CNTN4: variants seen among roughly 807,000 people sequenced by gnomAD.
The protein encoded by CNTN4 is contactin-4.
CNTN4 carries 77 observed loss-of-function variants against 122.5 expected under a neutral mutation model. That is an observed-to-expected ratio of 0.63 (90% CI 0.52 to 0.76). CNTN4 has a LOEUF of 0.76. Ranked by LOEUF, CNTN4 falls within the 30% of genes least tolerant of loss-of-function variation. The pLI, the probability that CNTN4 is intolerant of heterozygous loss-of-function variation, is 0.00. For missense variants in CNTN4, 1,256 were observed against 1,259.1 expected (o/e 1.00, Z 0.04); for synonymous variants, 512 against 447.0 (o/e 1.15, Z -1.83).
At chr3:2,115,501 C>T (rs1456681361) in intron 2 of CNTN4, among the ~76,000 whole-genome samples, 3 of 152,226 alleles carry the variant, frequency 2.0e-5, no homozygotes, top group Non-Finnish European at 4.4e-5. Context: ...ATCCACAGCA[C>T]GAGACACACA....
At chr3:2,137,506 T>C (rs2034753337) in intron 2 of CNTN4, among the ~76,000 whole-genome samples, 1 of 152,052 alleles carries the variant, frequency 6.6e-6, no homozygotes, top group African/African-American at 2.4e-5. Context: ...GTGGGGGGAT[T>C]AGAAAGATGC....
At chr3:2,130,588 T>C (rs1405142303) in intron 2 of CNTN4, among the ~76,000 whole-genome samples, 1 of 152,202 alleles carries the variant, frequency 6.6e-6, no homozygotes, top group Non-Finnish European at 1.5e-5. Context: ...TTTGGCACAA[T>C]TTGCCTATAT....
At chr3:2,941,122 T>C (rs1424415418) in intron 13 of CNTN4, among the ~76,000 whole-genome samples, 2 of 152,158 alleles carry the variant, frequency 1.3e-5, no homozygotes, top group Non-Finnish European at 2.9e-5. Context: ...AATTTAAAAT[T>C]ACTATTATCC....
intron 14 of CNTN4, among the ~76,000 whole-genome samples, chr3:3,005,891 T>TTC (rs1196947090): frequency 1.3e-5 from 2 of 150,808 alleles, no homozygotes; most frequent in African/African-American, 4.9e-5. Context: ...TGTAGAATTT[T>TTC]TTTTTTTTTT....
At chr3:2,115,377 G>C (rs956485841) in intron 2 of CNTN4, among the ~76,000 whole-genome samples, 1 of 152,182 alleles carries the variant, frequency 6.6e-6, no homozygotes, top group Non-Finnish European at 1.5e-5. Flanking sequence ...ATATCCTTTT[G>C]ATAGTCTCCT....
chr3:2,258,225 C>A (rs1414489375), intron 2 of CNTN4, among the ~76,000 whole-genome samples: 1 of 152,122 alleles, frequency 6.6e-6, no homozygotes, highest in Non-Finnish European at 1.5e-5. Context: ...CCATTTAACC[C>A]AGCAATCCCA....
chr3:2,451,406 A>G (rs2048824346), intron 3 of CNTN4, among the ~76,000 whole-genome samples: 1 of 151,082 alleles, frequency 6.6e-6, no homozygotes, highest in Non-Finnish European at 1.5e-5. Context: ...TGAGAGGAAT[A>G]TGGTATTTTG....
chr3:2,310,316 C>T (rs2042868518), intron 2 of CNTN4, among the ~76,000 whole-genome samples: 1 of 152,076 alleles, frequency 6.6e-6, no homozygotes, highest in Non-Finnish European at 1.5e-5. Flanking sequence ...TTTAAAGTCC[C>T]CCAGGCTAAC....
At chr3:2,368,095 C>T (rs1011280268) in intron 3 of CNTN4, among the ~76,000 whole-genome samples, 24 of 143,424 alleles carry the variant, frequency 1.7e-4, no homozygotes, top group East Asian at 1.0e-3. Flanking sequence ...TGCAGTGGCG[C>T]GATCTCGGCT....
intron 2 of CNTN4, among the ~76,000 whole-genome samples, chr3:2,174,085 G>A (rs1352898728): frequency 1.3e-5 from 2 of 152,064 alleles, no homozygotes; most frequent in African/African-American, 4.8e-5. Context: ...AACTTGTTTG[G>A]TGAGTAGTTG....
intron 3 of CNTN4, among the ~76,000 whole-genome samples, chr3:2,538,735 C>T (rs956791675): frequency 6.6e-6 from 1 of 151,766 alleles, no homozygotes; most frequent in Non-Finnish European, 1.5e-5. Flanking sequence ...GAATGAATAA[C>T]AAAGAAATAA....
chr3:2,435,102 A>G (rs9878295), intron 3 of CNTN4, among the ~76,000 whole-genome samples: 3,658 of 152,296 alleles, frequency 0.024, 163 homozygotes, highest in African/African-American at 0.078. Flanking sequence ...GCTTAATACT[A>G]AAGTGAATAT....
chr3:2,418,022 G>T (rs1423920906), intron 3 of CNTN4, among the ~76,000 whole-genome samples: 3 of 152,068 alleles, frequency 2.0e-5, no homozygotes, highest in Non-Finnish European at 4.4e-5. Context: ...GATTTTTACG[G>T]CAGTGAAACT....
chr3:2,503,559 T>A (rs1216934310), intron 3 of CNTN4, among the ~76,000 whole-genome samples: 2 of 152,124 alleles, frequency 1.3e-5, no homozygotes, highest in African/African-American at 4.8e-5. Flanking sequence ...TACAGAAAGT[T>A]GGGCATAGAG....
intron 13 of CNTN4, among the ~76,000 whole-genome samples, chr3:2,926,316 G>GT (rs900769255): frequency 3.8e-4 from 57 of 151,842 alleles, no homozygotes; most frequent in African/African-American, 1.3e-3. Context: ...GAGAAAACAG[G>GT]TTTTTTTTCT....
chr3:2,364,375 T>G (rs1201203638), intron 3 of CNTN4, among the ~76,000 whole-genome samples: 1 of 152,204 alleles, frequency 6.6e-6, no homozygotes, highest in Non-Finnish European at 1.5e-5. Flanking sequence ...CCTTGCTGTT[T>G]TTATTCTATT....
At chr3:3,002,054 A>T (rs117983978) in intron 14 of CNTN4, among the ~76,000 whole-genome samples, 1 of 152,362 alleles carries the variant, frequency 6.6e-6, no homozygotes, top group East Asian at 1.9e-4. Flanking sequence ...CCCTGTCTTT[A>T]AAAAGACTTC....
chr3:2,415,512 T>C (rs1040710938), intron 3 of CNTN4, among the ~76,000 whole-genome samples: 1 of 152,158 alleles, frequency 6.6e-6, no homozygotes, highest in Non-Finnish European at 1.5e-5. Context: ...GGGACAGGGA[T>C]GTAATGGGTC....
chr3:2,642,414 A>G (rs1480295481), intron 4 of CNTN4, among the ~76,000 whole-genome samples: 1 of 152,180 alleles, frequency 6.6e-6, no homozygotes, highest in Non-Finnish European at 1.5e-5. Context: ...CCTCACAGAC[A>G]TACCCAGGAA....
Sources: gnomAD v4.1 joint callset for allele counts (sites outside exome capture counted in the v4.1 genomes callset) on GRCh38, gnomAD v4.1.1 for gene constraint, MANE v1.5 for transcripts, NCBI Gene and HGNC (gene_info 2026-07-23, HGNC 2026-07-21) for gene names.